The following DGKA variants were observed in gnomAD, a reference collection of about 807,000 sequenced individuals.
DGKA encodes diacylglycerol kinase alpha, also known as 80 kDa diacylglycerol kinase.
A neutral mutation model predicts 105.0 loss-of-function variants in DGKA; 35 were observed. That is an observed-to-expected ratio of 0.33 (90% confidence interval 0.25 to 0.44). The LOEUF is 0.44. DGKA is among the 20% of genes least tolerant of loss of function. The pLI, the probability that DGKA is intolerant of heterozygous loss-of-function variation, is 1.00. For missense variants in DGKA, 665 were observed against 915.0 expected (o/e 0.73, Z 3.53); for synonymous variants, 296 against 332.0 (o/e 0.89, Z 1.18).
Position 55,953,057 on chromosome 12 carries a change from C to A in DGKA, c.1960C>A (p.Leu654Met). ...GTCCCCAGACCTAAGTGACAAGAGA[C>A]TGGAAGTGGTTGGGCTGGAGGGTGC... ...TCVPDLSDKRLEVVGLEGAIE... is the reference protein window; with the variant it reads ...TCVPDLSDKRMEVVGLEGAIE... The change falls in exon 22 of 24, where the codon CTG (leucine) becomes ATG (methionine). Residue 654 changes from leucine to methionine, a missense_variant. Physicochemically the swap from Leu to Met is conservative, Grantham distance 15. Coordinates refer to ENST00000331886, the MANE Select transcript of DGKA (RefSeq NM_001345.5). 6.2e-7 allele frequency: 1 copy of A among 1,614,164 alleles called. No homozygotes were observed. The highest frequency in any genetic ancestry group is 8.5e-7 in the Non-Finnish European group (1 of 1,180,026).
Position 55,953,149 on chromosome 12 carries a change from G to T in DGKA, c.2052G>T (p.Glu684Asp). Residue 684 changes from glutamate (E) to aspartate (D), a missense_variant, in exon 22 of 24, where the codon GAG (glutamate) becomes GAT (aspartate). Physicochemically the swap from Glu to Asp is conservative, Grantham distance 45 (BLOSUM62 2). Around this residue, in one of 3 missense-constraint regions of DGKA, gnomAD observed 158 missense variants for 213.4 expected, o/e 0.74. Transcript: ENST00000331886. ...NAGRRLAKCSEITFHTTKTLP... is the reference protein window; with the variant it reads ...NAGRRLAKCSDITFHTTKTLP... ...GACGTCGGCTGGCCAAGTGCTCTGA[G>T]ATCACCTTCCAGTAAGGAAGACTCC... 2 of 1,614,070 alleles carry T rather than the reference G, an allele frequency of 1.2e-6. No individual in the cohort carries two copies. The highest frequency in any genetic ancestry group is 1.7e-6 in the Non-Finnish European group (2 of 1,180,010).
At position 55,942,096 on chromosome 12, in the gene DGKA, AG is replaced by A; in HGVS notation, c.1336+17del. ...CTAGAGACCATTGGTCAGTGCAGGG[AG>A]GGGCGTGGGGAAGGTATTGGGGTCG... On this transcript the variant is annotated intron_variant, in intron 16 of 23. Transcript: ENST00000331886. The A allele has an allele frequency of 6.2e-7, 1 of 1,614,020 alleles. No homozygotes were observed. Among genetic ancestry groups the A allele is most frequent in the Non-Finnish European group, 8.5e-7 (1 of 1,179,946 alleles).
Position 55,952,277 on chromosome 12 carries a change from C to G in DGKA, c.1653-64C>G. 6.4e-7 allele frequency: 1 copy of G among 1,555,680 alleles called. No homozygotes were observed. ...GGTTGATGCCCTTCCCTGTCACGTACCACCCCTGCCAGCACTGTGTAACCT... is the reference window on the plus strand; with the variant it reads ...GGTTGATGCCCTTCCCTGTCACGTAGCACCCCTGCCAGCACTGTGTAACCT... On this transcript the variant is annotated intron_variant, in intron 19 of 23. Coordinates refer to ENST00000331886, the MANE Select transcript of DGKA (RefSeq NM_001345.5). This position sits in a 1 kb window ranked among gnomAD's most constrained non-coding sequence, Gnocchi z 5.1.
At chr12:55,930,384 T>TTA (rs1369068864), upstream of DGKA, 9 of 147,490 alleles carry the variant, frequency 6.1e-5, no homozygotes, top group Admixed American at 1.4e-4. Flanking sequence ...TTTTTTTTTT[T>TTA]AGACAGAGTT....
chr12:55,940,028 G>A lies in DGKA; in HGVS notation c.710-54G>A, dbSNP rs1211683732. The A allele has an allele frequency of 7.4e-6, 11 of 1,495,540 alleles. No homozygotes were observed. Among genetic ancestry groups the A allele is most frequent in the African/African-American group, 1.4e-5 (1 of 72,426 alleles). 92.6% of individuals were successfully genotyped at this position (1,495,540 alleles called of 1,614,324 possible). A position where few individuals can be genotyped will look rare whatever the true frequency, so the allele number is the denominator to read the frequency against. On this transcript the variant is annotated intron_variant, in intron 9 of 23. Transcript: ENST00000331886. The surrounding 1 kb of genome is among the most constrained non-coding windows in gnomAD (Gnocchi z 4.3). ...ATCCTGCCTCACCCTCAGGTAAGAAGGAAATAGGGGGAGAGGCTCAGCTAA... is the reference window on the plus strand; with the variant it reads ...ATCCTGCCTCACCCTCAGGTAAGAAAGAAATAGGGGGAGAGGCTCAGCTAA...
In DGKA at chr12:55,936,348, A is replaced by G. The variant is rs1884692211; in HGVS notation, c.-81-75A>G. ...AAAAAATAATAGTGGGAGTAGAGAC[A>G]GAATGGAACAGACAGAAGAAAAGAC... On this transcript the variant is annotated intron_variant, in intron 1 of 23. Coordinates refer to ENST00000331886, the MANE Select transcript of DGKA (RefSeq NM_001345.5). The G allele has an allele frequency of 6.4e-6, 9 of 1,415,486 alleles. 1 individual carries two copies. The highest frequency in any genetic ancestry group is 4.6e-5 in the South Asian group (3 of 65,016). The allele number at this position is 1,415,486 out of a possible 1,614,324, so 87.7% of individuals were successfully genotyped here. A position where few individuals can be genotyped will look rare whatever the true frequency, so the allele number is the denominator to read the frequency against.
In DGKA at chr12:55,940,596, ATC is replaced by A; in HGVS notation, c.919-22_919-21del. The A allele has an allele frequency of 6.4e-7, 1 of 1,560,946 alleles. No individual in the cohort carries two copies. The highest frequency in any genetic ancestry group is 8.7e-7 in the Non-Finnish European group (1 of 1,155,424). On this transcript the variant is annotated intron_variant, in intron 11 of 23. Transcript: ENST00000331886. The surrounding 1 kb of genome is among the most constrained non-coding windows in gnomAD (Gnocchi z 4.3). Reference sequence around the variant, plus strand: ...GAGAGGAGACAGGGTTACCTTCGTGATCTCTCTGTGCCCACCTCGTCTTTCAG... The same window carrying A: ...GAGAGGAGACAGGGTTACCTTCGTGATCTCTGTGCCCACCTCGTCTTTCAG...
chr12:55,939,569 C>G, intron 9 of DGKA, 40 bp downstream of exon 9: 1 of 1,594,146 alleles, frequency 6.3e-7, no homozygotes, highest in Non-Finnish European at 8.6e-7. Context: ...AGAGGGTCAG[C>G]CCAGCTATCT....
In DGKA at chr12:55,953,866, C is replaced by T. The variant is rs1046246342; in HGVS notation, c.*98C>T. On this transcript the variant is annotated 3_prime_UTR_variant, in exon 24 of 24. Transcript: ENST00000331886. ...GTACATTGCTGCCACATACTCCTGC[C>T]AGCTTGGGGGAGTGTTCCTTCACCC... 2.8e-6 allele frequency: 3 copies of T among 1,066,422 alleles called. No individual in the cohort carries two copies. The highest frequency in any genetic ancestry group is 4.2e-6 in the Non-Finnish European group (3 of 706,666). 66.1% of individuals were successfully genotyped at this position (1,066,422 alleles called of 1,614,324 possible).
At position 55,933,908 on chromosome 12, in the gene DGKA, G is replaced by A. The variant is rs548684371; in HGVS notation, c.-81-2515G>A. On this transcript the variant is annotated intron_variant, in intron 1 of 23. Transcript: ENST00000331886. ...CTGATGTTCATTGAGTTCTTATTCT[G>A]TGCCATGCTGTTTGCTAAGTACATT... Among the ~76,000 whole-genome samples, 5 of 152,264 alleles carry A rather than the reference G, an allele frequency of 3.3e-5. No homozygotes were observed. The South Asian group carries it at 8.3e-4, about 25-fold the overall frequency.
chr12:55,935,959 GT>G, intron 1 of DGKA: 1 of 988,732 alleles, frequency 1.0e-6, no homozygotes. Context: ...CGCTAACGCA[GT>G]AAGAGTCACT....
At position 55,940,584 on chromosome 12, in the gene DGKA, G is replaced by A. The variant is rs756884610; in HGVS notation, c.919-40G>A. On this transcript the variant is annotated intron_variant, in intron 11 of 23. Coordinates refer to ENST00000331886, the MANE Select transcript of DGKA (RefSeq NM_001345.5). This position sits in a 1 kb window ranked among gnomAD's most constrained non-coding sequence, Gnocchi z 4.3. ...GACTGCCAGGTTGAGAGGAGACAGG[G>A]TTACCTTCGTGATCTCTCTGTGCCC... 1.3e-6 allele frequency: 2 copies of A among 1,556,892 alleles called. No individual in the cohort carries two copies. Among genetic ancestry groups the A allele is most frequent in the Non-Finnish European group, 1.7e-6 (2 of 1,153,232 alleles).
Position 55,932,736 on chromosome 12 carries a change from CACA to C in DGKA, c.-82+1393_-82+1395del. 1 of 612,310 alleles carries C rather than the reference CACA, an allele frequency of 1.6e-6. No homozygotes were observed. Among genetic ancestry groups the C allele is most frequent in the Non-Finnish European group, 3.0e-6 (1 of 337,854 alleles). The allele number at this position is 612,310 out of a possible 1,614,324, so 37.9% of individuals were successfully genotyped here. The stretch of plus-strand genomic sequence containing the variant: ...ACACACACACACACACACACACACA[CACA>C]CAACCCCCTCAGCCAGGTGTAGCAC... On this transcript the variant is annotated intron_variant, in intron 1 of 23. Transcript: ENST00000331886. This position sits in a 1 kb window ranked among gnomAD's most constrained non-coding sequence, Gnocchi z 4.3.
chr12:55,940,743 G>A lies in DGKA; in HGVS notation c.1017+21G>A, dbSNP rs373822861. On this transcript the variant is annotated intron_variant, in intron 12 of 23. Coordinates refer to ENST00000331886, the MANE Select transcript of DGKA (RefSeq NM_001345.5). The surrounding 1 kb of genome is among the most constrained non-coding windows in gnomAD (Gnocchi z 4.3). ...TCCTGGTGAGACCCTCGGCAGCAGC[G>A]GGGAGGGGACAGGAGTGCCTCCCCG... is the stretch of plus-strand genomic sequence containing the variant. The A allele has an allele frequency of 9.9e-6, 16 of 1,611,796 alleles. No individual in the cohort carries two copies. The highest frequency in any genetic ancestry group is 1.6e-4 in the Middle Eastern group (1 of 6,068).
At chr12:55,950,688 G>A (rs559406256) in intron 17 of DGKA, among the ~76,000 whole-genome samples, 20 of 151,794 alleles carry the variant, frequency 1.3e-4, no homozygotes, top group African/African-American at 4.6e-4. Context: ...GGGATCACCC[G>A]CCTCAGCCTC....
rs770518185 is a variant in DGKA, at chr12:55,940,378, A to G, written c.863A>G (p.Lys288Arg). The G allele has an allele frequency of 9.9e-6, 16 of 1,614,232 alleles. No individual in the cohort carries two copies. Among genetic ancestry groups the G allele is most frequent in the African/African-American group, 1.3e-5 (1 of 75,060 alleles). ...ESGRCDRCQK[K>R]IRIYHSLTGL... ...GGGCGCTGCGACCGCTGTCAGAAAA[A>G]GATCCGGATCTACCACAGTCTGACC... The change falls in exon 11 of 24, where the codon AAG becomes AGG. Residue 288 changes from lysine to arginine, a missense_variant. This residue lies in a region of DGKA where 504 missense variants were observed against 681.2 expected (regional missense o/e 0.74). Transcript: ENST00000331886. This position sits in a 1 kb window ranked among gnomAD's most constrained non-coding sequence, Gnocchi z 4.3.
In DGKA at chr12:55,952,521, T is replaced by TA; in HGVS notation, c.1743+90_1743+91insA. On this transcript the variant is annotated intron_variant, in intron 20 of 23. Coordinates refer to ENST00000331886, the MANE Select transcript of DGKA (RefSeq NM_001345.5). This position sits in a 1 kb window ranked among gnomAD's most constrained non-coding sequence, Gnocchi z 5.1. Reference sequence around the variant, plus strand: ...ATGGCACCCTTAGGAACTTCCCATATTCTTGAACCTATGCTTCTTTAACCT... The same window carrying TA: ...ATGGCACCCTTAGGAACTTCCCATATATCTTGAACCTATGCTTCTTTAACCT... 1.5e-6 allele frequency: 2 copies of TA among 1,373,788 alleles called. No homozygotes were observed. Among genetic ancestry groups the TA allele is most frequent in the South Asian group, 2.4e-5 (2 of 84,590 alleles). The allele number at this position is 1,373,788 out of a possible 1,614,324, so 85.1% of individuals were successfully genotyped here. A position where few individuals can be genotyped will look rare whatever the true frequency, so the allele number is the denominator to read the frequency against.
upstream of DGKA, chr12:55,929,228 C>G (rs781639990): frequency 6.6e-6 from 1 of 152,236 alleles, no homozygotes; most frequent in Non-Finnish European, 1.5e-5. Context: ...CCCTTGCTCT[C>G]TTTTCACCGA....
At chr12:55,928,830 A>G (rs771561907), upstream of DGKA, among the ~76,000 whole-genome samples, 2 of 151,770 alleles carry the variant, frequency 1.3e-5, no homozygotes, top group Non-Finnish European at 2.9e-5. Flanking sequence ...CTAGAGGCCA[A>G]TTCAGAATGT....
Sources: allele counts gnomAD v4.1 joint callset (sites outside exome capture counted in the v4.1 genomes callset), GRCh38; gene constraint gnomAD v4.1.1; regional missense constraint gnomAD v4.1.1; non-coding constraint Gnocchi (gnomAD v3.1); transcripts MANE v1.5; gene names NCBI Gene and HGNC (gene_info 2026-07-23, HGNC 2026-07-21).